Variants in JCAD observed in about 807,000 individuals in gnomAD.
The protein encoded by JCAD is junctional cadherin 5-associated protein.
In JCAD, 40 loss-of-function variants were observed where a neutral mutation model predicts 98.0. That is an observed-to-expected ratio of 0.41 (90% confidence interval 0.32 to 0.53). The LOEUF (loss-of-function observed/expected upper bound fraction) is 0.53, where lower values mean the gene tolerates loss of function less well. Ranked by LOEUF, JCAD falls within the 20% of genes least tolerant of loss-of-function variation. The probability of loss-of-function intolerance (pLI) is 0.31; values close to 1 mark genes in which losing one functional copy is unlikely to be tolerated. For missense variants in JCAD, 1,705 were observed against 1,738.1 expected (o/e 0.98, Z 0.34); for synonymous variants, 691 against 682.3 (o/e 1.01, Z -0.20).
chr10:30,071,204 C>A (rs1009761615), intron 1 of JCAD, among the ~76,000 whole-genome samples: 1 of 152,172 alleles, frequency 6.6e-6, no homozygotes, highest in Non-Finnish European at 1.5e-5. Flanking sequence ...CACGCCCCAG[C>A]CTAAAGTATT....
intron 1 of JCAD, among the ~76,000 whole-genome samples, chr10:30,078,037 G>A (rs2132678722): frequency 6.6e-6 from 1 of 152,348 alleles, no homozygotes; most frequent in East Asian, 1.9e-4. Context: ...CAGCAATGAA[G>A]GGAGGGTTCC....
At position 30,104,685 on chromosome 10, in the gene JCAD, TG is replaced by T. The variant is rs147274964; in HGVS notation, n.128+10681del. 1.9e-3 allele frequency among the ~76,000 whole-genome samples: 286 copies of T among 152,296 alleles called. 2 individuals are homozygous for T. The highest frequency in any genetic ancestry group is 6.5e-3 in the African/African-American group (272 of 41,554). On this transcript the variant is annotated intron_variant and non_coding_transcript_variant, in intron 1 of 2. Coordinates refer to the JCAD transcript ENST00000465712. ...ACCTCAGCATCCCACAATACACCCA[TG>T]TAACAAACCTGTGCATATGTAGCCC... is the stretch of plus-strand genomic sequence containing the variant.
At chr10:30,067,059 A>C (rs1213485719) in intron 2 of JCAD, among the ~76,000 whole-genome samples, 1 of 151,900 alleles carries the variant, frequency 6.6e-6, no homozygotes, top group Non-Finnish European at 1.5e-5. Context: ...GGTTCCAGTT[A>C]CTCAGGAGGC....
chr10:30,019,006 G>A (rs1179384385), intron 3 of JCAD, among the ~76,000 whole-genome samples: 5 of 152,140 alleles, frequency 3.3e-5, no homozygotes, highest in African/African-American at 4.8e-5. Context: ...TATTTACAAT[G>A]GCCAAGATAG....
At chr10:30,055,900 CTCT>C (rs751261105) in intron 1 of JCAD, among the ~76,000 whole-genome samples, 13 of 152,234 alleles carry the variant, frequency 8.5e-5, no homozygotes, top group Non-Finnish European at 1.6e-4. Context: ...CTTCTGACTC[CTCT>C]TTTTTTTCTT....
At chr10:30,048,493 C>T (rs541334223) in intron 1 of JCAD, among the ~76,000 whole-genome samples, 14 of 152,298 alleles carry the variant, frequency 9.2e-5, no homozygotes, top group African/African-American at 2.6e-4. Flanking sequence ...GGGTTCATGA[C>T]GAGAAAACAA....
intron 1 of JCAD, among the ~76,000 whole-genome samples, chr10:30,112,432 AT>A (rs1838719236): frequency 6.6e-6 from 1 of 152,218 alleles, no homozygotes; most frequent in Non-Finnish European, 1.5e-5. Flanking sequence ...GCAGGGAGCT[AT>A]GATTGTGCCA....
At chr10:30,048,628 T>A (rs1380188865) in intron 1 of JCAD, among the ~76,000 whole-genome samples, 1 of 152,072 alleles carries the variant, frequency 6.6e-6, no homozygotes, top group African/African-American at 2.4e-5. Context: ...TGCAGTGGCA[T>A]GATCTCGACT....
chr10:30,031,588 C>A (rs1027711470), intron 2 of JCAD, among the ~76,000 whole-genome samples: 2 of 150,838 alleles, frequency 1.3e-5, no homozygotes, highest in Non-Finnish European at 3.0e-5. Flanking sequence ...ATTACAGGCA[C>A]CTGCCACCAC....
chr10:30,059,907 C>T (rs1837669504), upstream of JCAD, among the ~76,000 whole-genome samples: 1 of 152,098 alleles, frequency 6.6e-6, no homozygotes, highest in Non-Finnish European at 1.5e-5. This position sits in a 1 kb window ranked among gnomAD's most constrained non-coding sequence, Gnocchi z 5.0. Context: ...CACACAGATG[C>T]ACACAAACAC....
intron 1 of JCAD, among the ~76,000 whole-genome samples, chr10:30,083,432 T>A (rs1838118862): frequency 6.6e-6 from 1 of 152,232 alleles, no homozygotes; most frequent in Admixed American, 6.5e-5. Context: ...CATGTGGATC[T>A]ACTAAGTAAA....
At chr10:30,090,858 G>A (rs1838249722) in intron 1 of JCAD, among the ~76,000 whole-genome samples, 1 of 152,142 alleles carries the variant, frequency 6.6e-6, no homozygotes. Flanking sequence ...GGCAAGGGAG[G>A]GAACCGGAGC....
chr10:30,046,236 C>T (rs1268384842), intron 2 of JCAD, among the ~76,000 whole-genome samples: 1 of 152,108 alleles, frequency 6.6e-6, no homozygotes, highest in African/African-American at 2.4e-5. Flanking sequence ...AAGGTTTCCT[C>T]CAGGTGGAAA....
intron 2 of JCAD, among the ~76,000 whole-genome samples, chr10:30,064,905 C>T (rs947025464): frequency 3.3e-5 from 5 of 152,134 alleles, no homozygotes; most frequent in African/African-American, 7.2e-5. Context: ...CTCCTGACCT[C>T]GTGATCCACC....
chr10:30,031,547 T>A (rs1048756851), intron 2 of JCAD, among the ~76,000 whole-genome samples: 9 of 148,712 alleles, frequency 6.1e-5, no homozygotes, highest in Non-Finnish European at 1.3e-4. Context: ...GTGCAAGCAA[T>A]TCTTGTGCCT....
chr10:30,101,043 T>C (rs1838463799), intron 1 of JCAD, among the ~76,000 whole-genome samples: 1 of 152,248 alleles, frequency 6.6e-6, no homozygotes, highest in African/African-American at 2.4e-5. Context: ...ATCAAGGTTT[T>C]ATCATGCAGA....
chr10:30,033,774 G>GAAA (rs1837052059), intron 2 of JCAD, among the ~76,000 whole-genome samples: 1 of 152,220 alleles, frequency 6.6e-6, no homozygotes, highest in African/African-American at 2.4e-5. Flanking sequence ...AAGCCTGGAA[G>GAAA]AGTCCCTGCT....
chr10:30,030,822 C>A (rs1836974814), intron 2 of JCAD, among the ~76,000 whole-genome samples: 1 of 151,738 alleles, frequency 6.6e-6, no homozygotes, highest in African/African-American at 2.4e-5. Flanking sequence ...ACATTAGAAT[C>A]CAGGAAGACT....
In JCAD at chr10:30,027,727, C is replaced by T. The variant is rs746255128; in HGVS notation, c.2421G>A (p.Thr807=). ...PKREVVKGEP[T]GPCNSKQLFG... ...AGAGTTGTTTACTGTTGCAAGGGCC[C>T]GTGGGCTCCCCCTTCACCACCTCCC... The change falls in exon 3 of 4, where the codon ACG becomes ACA. Residue 807 remains threonine, a synonymous_variant. Coordinates refer to ENST00000375377, the MANE Select transcript of JCAD (RefSeq NM_020848.4). 4 of 1,614,256 alleles carry T rather than the reference C, an allele frequency of 2.5e-6. No homozygotes were observed. Among genetic ancestry groups the T allele is most frequent in the Admixed American group, 1.7e-5 (1 of 60,038 alleles).
Sources: gnomAD v4.1 joint callset for allele counts (sites outside exome capture counted in the v4.1 genomes callset) on GRCh38, gnomAD v4.1.1 for gene constraint, Gnocchi (gnomAD v3.1) non-coding constraint, MANE v1.5 for transcripts, NCBI Gene and HGNC (gene_info 2026-07-23, HGNC 2026-07-21) for gene names.